The following TMEM38B variants were observed in gnomAD, a reference collection of about 807,000 sequenced individuals.
TMEM38B encodes the protein trimeric intracellular cation channel type B.
In TMEM38B, 24 loss-of-function variants were observed where a neutral mutation model predicts 28.7. The ratio of observed to expected loss-of-function variants is 0.84; its 90% CI spans 0.61 to 1.18. The LOEUF (loss-of-function observed/expected upper bound fraction) is 1.18. Ranked by LOEUF, TMEM38B falls within the 50% of genes most tolerant of loss-of-function variation. TMEM38B has a pLI of 0.00. For missense variants in TMEM38B, 380 were observed against 350.9 expected, an observed-to-expected ratio of 1.08 and a Z score of -0.66; for synonymous variants, 131 against 127.7, an observed-to-expected ratio of 1.03 and a Z score of -0.17.
chr9:105,756,146 C>A (rs1184008264), intron 5 of TMEM38B, among the ~76,000 whole-genome samples: 1 of 152,126 alleles, frequency 6.6e-6, no homozygotes, highest in Non-Finnish European at 1.5e-5. Flanking sequence ...CAGACTCTGT[C>A]TCAAAAAACA....
intron 4 of TMEM38B, among the ~76,000 whole-genome samples, chr9:105,740,272 T>G (rs1018395599): frequency 1.3e-5 from 2 of 151,110 alleles, no homozygotes; most frequent in African/African-American, 4.9e-5. Context: ...TTTTTTTTTT[T>G]TTTTTTGAAA....
chr9:105,742,184 G>T (rs1837230873), intron 4 of TMEM38B, among the ~76,000 whole-genome samples: 1 of 152,166 alleles, frequency 6.6e-6, no homozygotes, highest in Non-Finnish European at 1.5e-5. Context: ...AAACTGCTCA[G>T]CTGCAAACAT....
At chr9:105,742,677 C>A (rs954677643) in intron 4 of TMEM38B, among the ~76,000 whole-genome samples, 21 of 152,128 alleles carry the variant, frequency 1.4e-4, no homozygotes, top group African/African-American at 4.3e-4. Context: ...AATCCTTGTT[C>A]CTTAGACTCA....
At chr9:105,733,425 T>C (rs559475567) in intron 4 of TMEM38B, among the ~76,000 whole-genome samples, 62 of 150,528 alleles carry the variant, frequency 4.1e-4, no homozygotes, top group African/African-American at 1.3e-3. Context: ...TTTTTTCTTT[T>C]TTTTTTTTTT....
chr9:105,743,396 T>A (rs1447955062), intron 4 of TMEM38B, among the ~76,000 whole-genome samples: 1 of 152,198 alleles, frequency 6.6e-6, no homozygotes, highest in Non-Finnish European at 1.5e-5. Flanking sequence ...AATAATAAAA[T>A]GGCTTATAGG....
At chr9:105,721,242 A>C (rs1836305347) in intron 2 of TMEM38B, among the ~76,000 whole-genome samples, 1 of 152,208 alleles carries the variant, frequency 6.6e-6, no homozygotes, top group Non-Finnish European at 1.5e-5. Flanking sequence ...CTTCTAGAAC[A>C]ATATAGGCAC....
intron 2 of TMEM38B, 76 bp from the exon 3 acceptor site, chr9:105,721,461 T>C: frequency 9.2e-7 from 1 of 1,081,152 alleles, no homozygotes; most frequent in East Asian, 2.9e-5. Flanking sequence ...CAAATTGTTG[T>C]TGCTGTTAGG....
intron 4 of TMEM38B, among the ~76,000 whole-genome samples, chr9:105,735,077 G>C (rs1380238607): frequency 6.6e-6 from 1 of 151,602 alleles, no homozygotes; most frequent in Non-Finnish European, 1.5e-5. Context: ...TATTTTTTGT[G>C]TGGTTACCAT....
rs537428106 is a variant in TMEM38B, at chr9:105,761,546, G to T, written c.661-12319G>T. Among the ~76,000 whole-genome samples, 10 of 152,166 alleles carry T rather than the reference G, an allele frequency of 6.6e-5. No individual in the cohort carries two copies. The South Asian group carries it at 2.1e-3, about 32-fold the overall frequency. ...TAAAACATATAATCTCTTCTGTAAGGTATTTATTTTTAATCAAGGGAGATA... is the reference window on the plus strand; with the variant it reads ...TAAAACATATAATCTCTTCTGTAAGTTATTTATTTTTAATCAAGGGAGATA... On this transcript the variant is annotated intron_variant, in intron 5 of 5. Coordinates refer to ENST00000374692, the MANE Select transcript of TMEM38B (RefSeq NM_018112.3).
intron 5 of TMEM38B, chr9:105,759,947 G>T (rs1588467145): frequency 6.3e-7 from 1 of 1,581,014 alleles, no homozygotes; most frequent in South Asian, 1.1e-5. Context: ...AGCAGCACAA[G>T]TGTGCAAACA....
chr9:105,754,376 A>G (rs1837761698), intron 5 of TMEM38B, among the ~76,000 whole-genome samples: 1 of 152,242 alleles, frequency 6.6e-6, no homozygotes, highest in Admixed American at 6.5e-5. Context: ...AACTGACCAC[A>G]TAATTGGAAG....
At chr9:105,725,965 T>C (rs184428772) in intron 4 of TMEM38B, among the ~76,000 whole-genome samples, 1 of 152,168 alleles carries the variant, frequency 6.6e-6, no homozygotes, top group Non-Finnish European at 1.5e-5. Context: ...TTTTCTTTTT[T>C]AAAAAATTTC....
At chr9:105,726,378 G>A (rs1350432209) in intron 4 of TMEM38B, among the ~76,000 whole-genome samples, 1 of 152,006 alleles carries the variant, frequency 6.6e-6, no homozygotes, top group Non-Finnish European at 1.5e-5. Context: ...GTGTTTTTCT[G>A]TTTTTAAGAT....
At chr9:105,773,308 T>G (rs1826619639) in intron 5 of TMEM38B, among the ~76,000 whole-genome samples, 1 of 152,140 alleles carries the variant, frequency 6.6e-6, no homozygotes, top group Non-Finnish European at 1.5e-5. Context: ...CTGTTGAGGG[T>G]AGCATTCTGC....
At chr9:105,713,945 C>T (rs945434822) in intron 2 of TMEM38B, among the ~76,000 whole-genome samples, 2 of 152,254 alleles carry the variant, frequency 1.3e-5, no homozygotes, top group Admixed American at 6.5e-5. Context: ...GAGCTGTAGA[C>T]ATGGGGATGA....
intron 1 of TMEM38B, among the ~76,000 whole-genome samples, chr9:105,702,407 C>T (rs974658040): frequency 4.6e-5 from 7 of 152,094 alleles, no homozygotes; most frequent in African/African-American, 1.4e-4. Context: ...AAAATAGCTA[C>T]AGTGCAAGTA....
At chr9:105,767,636 G>GT (rs1826418448) in intron 5 of TMEM38B, among the ~76,000 whole-genome samples, 1 of 152,074 alleles carries the variant, frequency 6.6e-6, no homozygotes, top group African/African-American at 2.4e-5. Context: ...GGTCTTCATT[G>GT]TTTTATATGT....
intron 1 of TMEM38B, among the ~76,000 whole-genome samples, chr9:105,695,766 A>C (rs1835266166): frequency 6.6e-6 from 1 of 152,150 alleles, no homozygotes; most frequent in Admixed American, 6.5e-5. Context: ...ACTGGTTTTA[A>C]AAAATCCTTA....
intron 5 of TMEM38B, among the ~76,000 whole-genome samples, chr9:105,761,471 C>T (rs1346922943): frequency 6.6e-6 from 1 of 152,142 alleles, no homozygotes; most frequent in Non-Finnish European, 1.5e-5. Flanking sequence ...ACTTATTTAG[C>T]AACTGCTATG....
Sources: gnomAD v4.1 joint callset for allele counts (sites outside exome capture counted in the v4.1 genomes callset) on GRCh38, gnomAD v4.1.1 for gene constraint, MANE v1.5 for transcripts, NCBI Gene and HGNC (gene_info 2026-07-23, HGNC 2026-07-21) for gene names.